GPC6: variants seen among roughly 807,000 people sequenced by gnomAD.
GPC6 encodes the protein glypican-6.
Under a neutral mutation model 55.2 loss-of-function variants are expected in GPC6, and 14 were observed. That is an observed-to-expected ratio of 0.25 (90% confidence interval 0.17 to 0.40). GPC6 has a LOEUF of 0.40. Among genes scored for constraint, GPC6 ranks in the 10% least tolerant of loss-of-function variants. The probability of loss-of-function intolerance (pLI) is 1.00; values close to 1 mark genes in which losing one functional copy is unlikely to be tolerated. For synonymous variants in GPC6, 278 were observed against 259.6 expected (o/e 1.07, Z -0.68); for missense variants, 641 against 708.5 (o/e 0.90, Z 1.08).
chr13:93,994,153 C>T (rs1435310917), intron 3 of GPC6, among the ~76,000 whole-genome samples: 1 of 152,104 alleles, frequency 6.6e-6, no homozygotes, highest in African/African-American at 2.4e-5. Flanking sequence ...AATTTTTTCA[C>T]AGAATGATGC....
chr13:94,213,666 C>A (rs1385430054), intron 4 of GPC6, among the ~76,000 whole-genome samples: 2 of 152,144 alleles, frequency 1.3e-5, no homozygotes, highest in Non-Finnish European at 2.9e-5. Context: ...CCAGCCCCGG[C>A]TCATCCACAT....
intron 2 of GPC6, among the ~76,000 whole-genome samples, chr13:93,793,482 C>CTT (rs71203704): frequency 1.3e-5 from 2 of 151,648 alleles, no homozygotes; most frequent in Non-Finnish European, 2.9e-5. Flanking sequence ...TCACTTTTGA[C>CTT]TTTTTTTTGG....
chr13:94,367,619 GGGGCATGCATGCCCTTAATATGGT>G (rs567240369), intron 6 of GPC6, among the ~76,000 whole-genome samples: 259 of 152,294 alleles, frequency 1.7e-3, no homozygotes, highest in South Asian at 9.3e-3. Flanking sequence ...TATCTTTTCA[GGGGCATGCATGCCCTTAATATGGT>G]GTGATCAGCT....
intron 4 of GPC6, among the ~76,000 whole-genome samples, chr13:94,161,437 C>T (rs1326876390): frequency 6.6e-6 from 1 of 152,150 alleles, no homozygotes; most frequent in East Asian, 1.9e-4. Context: ...TTGCTGTATA[C>T]AGTTAAGGTT....
At position 93,452,855 on chromosome 13, in the gene GPC6, A is replaced by G. The variant is rs377079322; in HGVS notation, c.161-92408A>G. On this transcript the variant is annotated intron_variant, in intron 1 of 8. Coordinates refer to ENST00000377047, the MANE Select transcript of GPC6 (RefSeq NM_005708.5). ...AGTAGATATTGAGAAGCATTGGTGTATATTACATATGGGCTAATGATGGTT... is the reference window on the plus strand; with the variant it reads ...AGTAGATATTGAGAAGCATTGGTGTGTATTACATATGGGCTAATGATGGTT... Among the ~76,000 whole-genome samples the G allele has an allele frequency of 1.8e-4, 27 of 152,324 alleles. 1 individual carries two copies. The highest frequency in any genetic ancestry group is 1.7e-3 in the East Asian group (9 of 5,176).
chr13:93,969,349 T>C (rs1158279453), intron 3 of GPC6, among the ~76,000 whole-genome samples: 1 of 152,140 alleles, frequency 6.6e-6, no homozygotes, highest in Admixed American at 6.5e-5. Context: ...ACCCTCACTA[T>C]CCCTGGAAGT....
intron 3 of GPC6, among the ~76,000 whole-genome samples, chr13:93,842,997 C>T (rs1285842191): frequency 2.0e-5 from 3 of 151,286 alleles, no homozygotes; most frequent in Admixed American, 6.6e-5. Context: ...TTTTATATTG[C>T]AAAATTATGT....
At chr13:94,256,765 C>T (rs1891518669) in intron 4 of GPC6, among the ~76,000 whole-genome samples, 1 of 152,166 alleles carries the variant, frequency 6.6e-6, no homozygotes, top group South Asian at 2.1e-4. Flanking sequence ...CCCATCTCCT[C>T]CCCAAATCCT....
intron 1 of GPC6, among the ~76,000 whole-genome samples, chr13:93,523,971 A>G (rs927454295): frequency 9.9e-5 from 15 of 151,938 alleles, no homozygotes; most frequent in African/African-American, 3.4e-4. Context: ...TGGGAACTCA[A>G]AAGAATTAGA....
chr13:94,065,349 G>A (rs979334542), intron 4 of GPC6, among the ~76,000 whole-genome samples: 2 of 152,208 alleles, frequency 1.3e-5, no homozygotes, highest in Non-Finnish European at 2.9e-5. Flanking sequence ...TCTATGATGA[G>A]AGTATGCTGC....
intron 4 of GPC6, among the ~76,000 whole-genome samples, chr13:94,033,548 C>A (rs908637094): frequency 1.3e-5 from 2 of 152,102 alleles, no homozygotes; most frequent in Admixed American, 6.5e-5. Context: ...ATGTACAGGA[C>A]TGTGTTATGT....
intron 4 of GPC6, among the ~76,000 whole-genome samples, chr13:94,120,947 C>A (rs987244666): frequency 2.0e-5 from 3 of 151,092 alleles, no homozygotes; most frequent in African/African-American, 7.3e-5. Context: ...GGGCTTCAAG[C>A]ATTGTCTCTG....
At chr13:93,887,611 T>C (rs1165524777) in intron 3 of GPC6, among the ~76,000 whole-genome samples, 1 of 152,116 alleles carries the variant, frequency 6.6e-6, no homozygotes, top group Admixed American at 6.6e-5. Context: ...GGGGAAATTA[T>C]AGTAACACTT....
At chr13:93,823,668 T>C (rs908110603) in intron 2 of GPC6, among the ~76,000 whole-genome samples, 6 of 152,218 alleles carry the variant, frequency 3.9e-5, no homozygotes, top group African/African-American at 1.4e-4. Flanking sequence ...ATGGAAATGA[T>C]GAAGATGTTC....
intron 3 of GPC6, among the ~76,000 whole-genome samples, chr13:93,852,411 A>T (rs1336030192): frequency 6.6e-6 from 1 of 151,768 alleles, no homozygotes; most frequent in Admixed American, 6.6e-5. Context: ...GGCTACAGTC[A>T]ACAATAAGAT....
chr13:94,161,868 G>A (rs936606616), intron 4 of GPC6, among the ~76,000 whole-genome samples: 5 of 152,104 alleles, frequency 3.3e-5, no homozygotes, highest in Admixed American at 3.3e-4. Flanking sequence ...ATGGCTGGGG[G>A]CCTCACAATC....
intron 4 of GPC6, among the ~76,000 whole-genome samples, chr13:94,256,779 A>G (rs1891519160): frequency 1.3e-5 from 2 of 152,128 alleles, no homozygotes; most frequent in South Asian, 4.1e-4. Flanking sequence ...AAATCCTTCC[A>G]GAGACAGAGA....
chr13:93,412,002 C>CAAA (rs58692924), intron 1 of GPC6, among the ~76,000 whole-genome samples: 59 of 138,268 alleles, frequency 4.3e-4, no homozygotes, highest in East Asian at 3.0e-3. Context: ...GACTATGTCT[C>CAAA]AAAAAAAAAA....
At chr13:93,856,760 T>A (rs74108898) in intron 3 of GPC6, among the ~76,000 whole-genome samples, 5,263 of 151,630 alleles carry the variant, frequency 0.035, 270 homozygotes, top group East Asian at 0.17. Flanking sequence ...AAATAAGCAC[T>A]TTGGAGAAAC....
Sources: gnomAD v4.1 joint callset for allele counts (sites outside exome capture counted in the v4.1 genomes callset) on GRCh38, gnomAD v4.1.1 for gene constraint, MANE v1.5 for transcripts, NCBI Gene and HGNC (gene_info 2026-07-23, HGNC 2026-07-21) for gene names.